The following RSRP1 variants were observed in gnomAD, a reference collection of about 807,000 sequenced individuals.
RSRP1 encodes arginine/serine-rich protein 1.
RSRP1 carries 37 observed loss-of-function variants against 33.0 expected under a neutral mutation model. That is an observed-to-expected ratio of 1.12 (90% CI 0.86 to 1.48). The LOEUF is 1.48. RSRP1 is among the 40% of genes most tolerant of loss of function. The pLI is 0.00. For missense variants in RSRP1, 402 were observed against 385.3 expected (o/e 1.04, Z -0.36); for synonymous variants, 167 against 158.7 (o/e 1.05, Z -0.40).
chr1:25,254,305 T>G (rs1190481599), intron 1 of RSRP1, among the ~76,000 whole-genome samples: 2 of 152,208 alleles, frequency 1.3e-5, no homozygotes, highest in Non-Finnish European at 2.9e-5. Flanking sequence ...GGAGGCACCC[T>G]TGATAAATTT....
At chr1:25,247,223 A>C in intron 1 of RSRP1, 86 bp downstream of exon 1, 9 of 422,498 alleles carry the variant, frequency 2.1e-5, no homozygotes, top group East Asian at 3.5e-5. Flanking sequence ...GCGTTCCCCA[A>C]ACGCGGGGCC....
At chr1:25,263,910 A>T (rs1048763881) in intron 1 of RSRP1, among the ~76,000 whole-genome samples, 1 of 152,038 alleles carries the variant, frequency 6.6e-6, no homozygotes, top group Non-Finnish European at 1.5e-5. Context: ...AATTGGTCAA[A>T]ACAAAGAGGC....
intron 2 of RSRP1, among the ~76,000 whole-genome samples, chr1:25,245,638 T>C (rs373452566): frequency 5.5e-4 from 84 of 152,292 alleles, no homozygotes; most frequent in African/African-American, 2.0e-3. Context: ...CACTGAAAAT[T>C]CTATTCTCCA....
At chr1:25,244,531 C>G in intron 3 of RSRP1, 1 of 1,289,122 alleles carries the variant, frequency 7.8e-7, no homozygotes. Flanking sequence ...ATAAACTATA[C>G]TGTATATGCT....
In RSRP1 at chr1:25,266,717, G is replaced by A. The variant is rs4014447; in HGVS notation, c.-66-19688C>T. 5.6e-4 allele frequency: 87 copies of A among 154,436 alleles called. 19 individuals are homozygous for A. In the Middle Eastern group the frequency reaches 0.014, roughly 25 times the overall value. The allele number at this position is 154,436 out of a possible 1,614,324, so 9.6% of individuals were successfully genotyped here. ...TTAATGACAATTGACCCACATTTTT[G>A]ACTGAAGTGAAAGGGGGTTCTGCTC... On this transcript the variant is annotated intron_variant, in intron 1 of 1. Coordinates refer to the RSRP1 transcript ENST00000561867.
At position 25,246,738 on chromosome 1, in the gene RSRP1, G is replaced by T; in HGVS notation, c.226C>A (p.Arg76Ser). The T allele has an allele frequency of 6.2e-7, 1 of 1,609,396 alleles. No homozygotes were observed. Among genetic ancestry groups the T allele is most frequent in the Non-Finnish European group, 8.5e-7 (1 of 1,176,704 alleles). Reference sequence around the variant, plus strand: ...CTCCGCGAGTATGACCGCGAGTAGCGCCTGTACTTCCGCTGGTGGCGCCTT... The same window carrying T: ...CTCCGCGAGTATGACCGCGAGTAGCTCCTGTACTTCCGCTGGTGGCGCCTT... ...SRRRHQRKYR[R>S]YSRSYSRSRS... is the part of the protein sequence containing the mutation. The change falls in exon 2 of 5, where the codon CGC becomes AGC. Residue 76 changes from arginine (R) to serine (S), a missense_variant. Transcript: ENST00000243189.
Position 25,276,384 on chromosome 1 carries a change from G to A in RSRP1, c.-66-29355C>T, listed in dbSNP as rs1441124867. The stretch of plus-strand genomic sequence containing the variant: ...TCATCGTGCTGTTCTCTCTGTTTTC[G>A]TATATGCTTTAAAAGTTCTGTAATA... On this transcript the variant is annotated intron_variant, in intron 1 of 1. Transcript: ENST00000561867. 1.3e-4 allele frequency among the ~76,000 whole-genome samples: 16 copies of A among 120,594 alleles called. 3 individuals are homozygous for A. Among genetic ancestry groups the A allele is most frequent in the South Asian group, 1.0e-3 (4 of 3,988 alleles). The allele number at this position is 120,594 out of a possible 152,430, so 79.1% of individuals were successfully genotyped here.
intron 1 of RSRP1, among the ~76,000 whole-genome samples, chr1:25,263,287 G>A (rs1640216589): frequency 1.3e-5 from 2 of 151,942 alleles, no homozygotes; most frequent in Non-Finnish European, 2.9e-5. Flanking sequence ...GATCTCGTAG[G>A]ACTTTATTCT....
chr1:25,243,800 C>T (rs933604505), intron 3 of RSRP1, 167 bp from the exon 4 acceptor site: 24 of 1,366,554 alleles, frequency 1.8e-5, no homozygotes, highest in Middle Eastern at 2.7e-4. Flanking sequence ...CTTAACAAAA[C>T]TGATTTAATA....
At position 25,303,487 on chromosome 1, in the gene RSRP1, T is replaced by G. The variant is rs1172564194; in HGVS notation, c.-67+34491A>C. 2 of 1,378,112 alleles carry G rather than the reference T, an allele frequency of 1.5e-6. 1 individual carries two copies. Among genetic ancestry groups the G allele is most frequent in the Non-Finnish European group, 2.0e-6 (2 of 978,178 alleles). The allele number at this position is 1,378,112 out of a possible 1,614,324, so 85.4% of individuals were successfully genotyped here. A position where few individuals can be genotyped will look rare whatever the true frequency, so the allele number is the denominator to read the frequency against. On this transcript the variant is annotated intron_variant, in intron 1 of 1. Coordinates refer to the RSRP1 transcript ENST00000561867. ...AAGAAACTAGACAACTAACCTCCTC[T>G]GCTTTGGCTGAAGGCCAGCAGGACG...
intron 1 of RSRP1, among the ~76,000 whole-genome samples, chr1:25,305,642 C>T (rs1643761511): frequency 7.8e-6 from 1 of 128,160 alleles, no homozygotes; most frequent in African/African-American, 2.7e-5. Context: ...GCTCTTTTGC[C>T]CAGGCTGGAG....
chr1:25,290,550 T>TGAAA lies in RSRP1; in HGVS notation c.-66-43525_-66-43522dup, dbSNP rs541371580. The stretch of plus-strand genomic sequence containing the variant: ...AAAGTAGGTGCCCAACAGTGTTTGT[T>TGAAA]GAAAGAATGAATGAATGAATGAATG... On this transcript the variant is annotated intron_variant, in intron 1 of 1. Transcript: ENST00000561867. 423 of 1,104,474 alleles carry TGAAA rather than the reference T, an allele frequency of 3.8e-4. 59 individuals carry two copies. The African/African-American group carries it at 5.5e-3, about 14-fold the overall frequency. The allele number at this position is 1,104,474 out of a possible 1,614,324, so 68.4% of individuals were successfully genotyped here. A position where few individuals can be genotyped will look rare whatever the true frequency, so the allele number is the denominator to read the frequency against.
At chr1:25,289,896 C>A (rs1642343676) in intron 1 of RSRP1, among the ~76,000 whole-genome samples, 1 of 128,394 alleles carries the variant, frequency 7.8e-6, no homozygotes, top group African/African-American at 2.7e-5. Flanking sequence ...GCTCATTGGT[C>A]AAAGGAAGGA....
In RSRP1 at chr1:25,246,536, C is replaced by T; in HGVS notation, c.428G>A (p.Gly143Asp). ...IARGQRYYGF[G>D]RTVYPEEHSR... ...GTGCTCCTCCGGGTACACTGTGCGA[C>T]CAAAGCCGTAGTAGCGCTGTCCCCG... Residue 143 changes from glycine to aspartate, a missense_variant, in exon 2 of 5, where the codon GGT becomes GAT. By Grantham distance (94) the Gly-to-Asp change is moderately conservative (BLOSUM62 -1). Transcript: ENST00000243189. 1 of 1,614,272 alleles carries T rather than the reference C, an allele frequency of 6.2e-7. No homozygotes were observed. The highest frequency in any genetic ancestry group is 8.5e-7 in the Non-Finnish European group (1 of 1,180,052).
At position 25,286,248 on chromosome 1, in the gene RSRP1, G is replaced by C. The variant is rs1260440006; in HGVS notation, c.-66-39219C>G. ...TCACACCTGTAATCCCAGTACTTTT[G>C]GGAACCGAGGTGGGCAGATCACTTG... On this transcript the variant is annotated intron_variant, in intron 1 of 1. Coordinates refer to the RSRP1 transcript ENST00000561867. Among the ~76,000 whole-genome samples, 4 of 135,304 alleles carry C rather than the reference G, an allele frequency of 3.0e-5. No homozygotes were observed. In the East Asian group the frequency reaches 7.7e-4, roughly 26 times the overall value. The allele number at this position is 135,304 out of a possible 152,430, so 88.8% of individuals were successfully genotyped here. A position where few individuals can be genotyped will look rare whatever the true frequency, so the allele number is the denominator to read the frequency against.
intron 1 of RSRP1, among the ~76,000 whole-genome samples, chr1:25,316,301 C>A (rs1408121817): frequency 1.5e-5 from 2 of 129,464 alleles, no homozygotes; most frequent in South Asian, 2.4e-4. Context: ...AGAAATAGAA[C>A]CTTCATCTTT....
chr1:25,251,672 A>G (rs746759876), upstream of RSRP1, among the ~76,000 whole-genome samples: 2 of 152,090 alleles, frequency 1.3e-5, no homozygotes, highest in Admixed American at 6.6e-5. Context: ...CCCGGCTCAA[A>G]GTTAATATTT....
intron 1 of RSRP1, among the ~76,000 whole-genome samples, chr1:25,259,756 G>A (rs1192276924): frequency 2.0e-5 from 3 of 151,774 alleles, no homozygotes; most frequent in South Asian, 2.1e-4. Flanking sequence ...AGCCTGCCTC[G>A]GCCTCCCAAA....
intron 1 of RSRP1, among the ~76,000 whole-genome samples, chr1:25,322,510 T>TG (rs1284162639): frequency 1.5e-5 from 2 of 132,108 alleles, no homozygotes; most frequent in Non-Finnish European, 3.6e-5. Context: ...CCATCTCTAC[T>TG]AAAAATACAA....
Sources: gnomAD v4.1 joint callset for allele counts (sites outside exome capture counted in the v4.1 genomes callset) on GRCh38, gnomAD v4.1.1 for gene constraint, MANE v1.5 for transcripts, NCBI Gene and HGNC (gene_info 2026-07-23, HGNC 2026-07-21) for gene names.